The following SFMBT2 variants were observed in gnomAD, a reference collection of about 807,000 sequenced individuals.
SFMBT2 encodes the protein Scm like with four mbt domains 2, also known as scm-like with four MBT domains protein 2.
Under a neutral mutation model 110.1 loss-of-function variants are expected in SFMBT2, and 38 were observed. The observed-to-expected ratio is 0.35, with a 90% CI of 0.27 to 0.45. The LOEUF is 0.45. SFMBT2 is among the 20% of genes least tolerant of loss of function. The pLI is 1.00. For synonymous variants in SFMBT2, 425 were observed against 425.4 expected, an observed-to-expected ratio of 1.00 and a Z score of 0.01; for missense variants, 1,011 against 1,094.9, an observed-to-expected ratio of 0.92 and a Z score of 1.08.
chr10:7,184,552 G>C (rs966208861), intron 16 of SFMBT2, among the ~76,000 whole-genome samples: 2 of 151,936 alleles, frequency 1.3e-5, no homozygotes, highest in African/African-American at 4.8e-5. Context: ...GGACTAATAC[G>C]GTAGTTAAAA....
At chr10:7,327,455 C>T (rs1384639420) in intron 4 of SFMBT2, among the ~76,000 whole-genome samples, 1 of 152,056 alleles carries the variant, frequency 6.6e-6, no homozygotes, top group Non-Finnish European at 1.5e-5. Flanking sequence ...CCAAGGTGGG[C>T]AGATCACTTG....
intron 10 of SFMBT2, among the ~76,000 whole-genome samples, chr10:7,225,514 C>T (rs11255049): frequency 0.2 from 30,431 of 152,194 alleles, 3,886 homozygotes; most frequent in South Asian, 0.37. Context: ...ATTACATAAA[C>T]GGAGTGCCAG....
At chr10:7,392,724 T>A (rs1445704492) in intron 1 of SFMBT2, among the ~76,000 whole-genome samples, 5 of 152,014 alleles carry the variant, frequency 3.3e-5, no homozygotes, top group African/African-American at 1.2e-4. Context: ...TTTTTCTTTT[T>A]CAACTTAGTC....
intron 4 of SFMBT2, among the ~76,000 whole-genome samples, chr10:7,351,112 A>T (rs1347166424): frequency 6.6e-6 from 1 of 152,208 alleles, no homozygotes; most frequent in African/African-American, 2.4e-5. Context: ...TCTGCTTCCA[A>T]CATGTGCTGG....
At chr10:7,179,706 C>A (rs1265237624) in intron 16 of SFMBT2, among the ~76,000 whole-genome samples, 2 of 152,214 alleles carry the variant, frequency 1.3e-5, no homozygotes, top group Non-Finnish European at 2.9e-5. Flanking sequence ...GCTCATCAAA[C>A]CTCCAGGTGA....
chr10:7,407,152 C>A (rs187682752), intron 1 of SFMBT2, among the ~76,000 whole-genome samples: 4 of 152,164 alleles, frequency 2.6e-5, no homozygotes, highest in Admixed American at 2.6e-4. Flanking sequence ...AAGCAGGAGA[C>A]CTCCTATCTC....
At chr10:7,228,713 T>C (rs1419427926) in intron 9 of SFMBT2, among the ~76,000 whole-genome samples, 2 of 132,034 alleles carry the variant, frequency 1.5e-5, no homozygotes, top group Middle Eastern at 3.6e-3. Context: ...CTTTCTTTCT[T>C]TCTTTCTTTC....
At chr10:7,186,694 G>A (rs1564372700) in intron 16 of SFMBT2, among the ~76,000 whole-genome samples, 1 of 152,116 alleles carries the variant, frequency 6.6e-6, no homozygotes, top group Admixed American at 6.5e-5. Context: ...TCAGCTAAAT[G>A]GGAAGATGCC....
intron 1 of SFMBT2, among the ~76,000 whole-genome samples, chr10:7,392,988 T>TCCACATAG (rs1845813842): frequency 9.6e-5 from 1 of 10,416 alleles, no homozygotes; most frequent in Admixed American, 1.0e-3. Flanking sequence ...ATAGATTATA[T>TCCACATAG]ATATATATAT....
rs981267682 is a variant in SFMBT2, at chr10:7,161,887, C to T, written c.*1883G>A. ...AGCCCACCGCAGAATTTTACTGGAA[C>T]TGTGGAGACTCTAGTCCAAGGGACG... is the stretch of plus-strand genomic sequence containing the variant. On this transcript the variant is annotated 3_prime_UTR_variant, in exon 21 of 21. Transcript: ENST00000397167. The T allele has an allele frequency of 2.0e-5, 3 of 152,160 alleles. No individual in the cohort carries two copies. Among genetic ancestry groups the T allele is most frequent in the Admixed American group, 1.3e-4 (2 of 15,276 alleles). 9.4% of individuals were successfully genotyped at this position (152,160 alleles called of 1,614,324 possible).
chr10:7,228,764 CT>C (rs1840018372), intron 9 of SFMBT2, among the ~76,000 whole-genome samples: 12 of 133,686 alleles, frequency 9.0e-5, no homozygotes, highest in African/African-American at 1.5e-4. Context: ...CTCTCTCTCT[CT>C]CTCTCTCTCT....
chr10:7,359,392 G>A (rs1844641048), intron 4 of SFMBT2, among the ~76,000 whole-genome samples: 1 of 152,192 alleles, frequency 6.6e-6, no homozygotes, highest in Admixed American at 6.5e-5. Context: ...TGGAGGCTCT[G>A]ACAATTATGG....
intron 7 of SFMBT2, among the ~76,000 whole-genome samples, chr10:7,251,170 T>TA (rs34202336): frequency 0.66 from 97,492 of 146,964 alleles, 33,959 homozygotes; most frequent in East Asian, 0.91. Flanking sequence ...AATTAAACAT[T>TA]AAAAAAAAAA....
Position 7,171,020 on chromosome 10 carries a change from C to G in SFMBT2, c.2452G>C (p.Glu818Gln), listed in dbSNP as rs1157768130. Residue 818 changes from glutamate (E) to glutamine (Q), a missense_variant, in exon 20 of 21, where the codon GAG becomes CAG. By Grantham distance (29) the Glu-to-Gln change is conservative. Coordinates refer to ENST00000397167, the MANE Select transcript of SFMBT2 (RefSeq NM_001387889.1). The surrounding 1 kb of genome is among the most constrained non-coding windows in gnomAD (Gnocchi z 4.9). ...KQEEEERLVL[E>Q]SNPLEWTVTD... Reference sequence around the variant, plus strand: ...ACCGTCCACTCCAACGGGTTGCTCTCCAGAACCAGTCTCTCCTCCTCCTCC... The same window carrying G: ...ACCGTCCACTCCAACGGGTTGCTCTGCAGAACCAGTCTCTCCTCCTCCTCC... The G allele has an allele frequency of 1.2e-6, 2 of 1,614,096 alleles. No homozygotes were observed. The highest frequency in any genetic ancestry group is 1.1e-5 in the South Asian group (1 of 91,088).
At chr10:7,257,095 GGGA>G in intron 7 of SFMBT2, among the ~76,000 whole-genome samples, 2 of 116,824 alleles carry the variant, frequency 1.7e-5, no homozygotes, top group African/African-American at 6.1e-5. Context: ...CCGTTGGAAA[GGGA>G]AGGGGAGGGG....
chr10:7,380,801 G>T (rs927724257), intron 2 of SFMBT2, among the ~76,000 whole-genome samples: 7 of 152,110 alleles, frequency 4.6e-5, no homozygotes, highest in African/African-American at 1.7e-4. Flanking sequence ...TATAATCTCA[G>T]CACTTTGGGA....
chr10:7,214,889 C>T (rs1248820130), intron 11 of SFMBT2, among the ~76,000 whole-genome samples: 2 of 152,216 alleles, frequency 1.3e-5, no homozygotes, highest in Non-Finnish European at 2.9e-5. Context: ...TTGTTATTCG[C>T]ACTCTAAAGC....
intron 8 of SFMBT2, among the ~76,000 whole-genome samples, chr10:7,246,381 A>C (rs1322119689): frequency 6.6e-6 from 1 of 152,202 alleles, no homozygotes; most frequent in Non-Finnish European, 1.5e-5. Context: ...TTCTAACATG[A>C]CATATTACAA....
chr10:7,249,336 C>G (rs1334025650), intron 7 of SFMBT2: 1 of 223,730 alleles, frequency 4.5e-6, no homozygotes, highest in Non-Finnish European at 7.5e-6. Context: ...GCTTTCCCGC[C>G]TCCTAAGATA....
Sources: allele counts gnomAD v4.1 joint callset (sites outside exome capture counted in the v4.1 genomes callset), GRCh38; gene constraint gnomAD v4.1.1; non-coding constraint Gnocchi (gnomAD v3.1); transcripts MANE v1.5; gene names NCBI Gene and HGNC (gene_info 2026-07-23, HGNC 2026-07-21).